The following C22orf31 variants were observed in gnomAD, a reference collection of about 807,000 sequenced individuals.
C22orf31 encodes the protein uncharacterized protein C22orf31.
C22orf31 carries 11 observed loss-of-function variants against 15.0 expected under a neutral mutation model. The ratio of observed to expected loss-of-function variants is 0.73; its 90% confidence interval spans 0.46 to 1.21. The LOEUF is 1.21. Among genes scored for constraint, C22orf31 ranks in the 50% most tolerant of loss-of-function variants. The pLI, the probability that C22orf31 is intolerant of heterozygous loss-of-function variation, is 0.00. For missense variants in C22orf31, 340 were observed against 347.2 expected (o/e 0.98, Z 0.17); for synonymous variants, 132 against 133.3 (o/e 0.99, Z 0.07).
upstream of C22orf31, among the ~76,000 whole-genome samples, chr22:29,062,800 G>A (rs16987014): frequency 0.056 from 8,527 of 152,170 alleles, 275 homozygotes; most frequent in East Asian, 0.11. Context: ...ACAGTTGAGA[G>A]GACAATTGCT....
intron 2 of C22orf31, among the ~76,000 whole-genome samples, chr22:29,059,406 G>C (rs954387792): frequency 6.6e-6 from 1 of 152,174 alleles, no homozygotes; most frequent in African/African-American, 2.4e-5. Flanking sequence ...ATTGGAATTG[G>C]TTTGCCCAAG....
At chr22:29,060,230 C>G (rs2037373701) in intron 2 of C22orf31, among the ~76,000 whole-genome samples, 185 bp downstream of exon 2, 1 of 149,608 alleles carries the variant, frequency 6.7e-6, no homozygotes, top group Admixed American at 6.7e-5. Flanking sequence ...TGAGGTCTCC[C>G]TATGTTGCCC....
At chr22:29,068,699 C>T in the C22orf31 span, among the ~76,000 whole-genome samples, 7 of 151,420 alleles carry the variant, frequency 4.6e-5, no homozygotes, top group East Asian at 7.8e-4. Flanking sequence ...CGTAAGCCAC[C>T]GTGCCCGGCA....
chr22:29,060,609 C>G lies in C22orf31; in HGVS notation c.238G>C (p.Val80Leu). 1.2e-6 allele frequency: 2 copies of G among 1,614,152 alleles called. No individual in the cohort carries two copies. Among genetic ancestry groups the G allele is most frequent in the Non-Finnish European group, 1.7e-6 (2 of 1,180,026 alleles). ...IASSFSLVKL[V>L]LRRQLKNKCC... Reference sequence around the variant, plus strand: ...TTATTCTTCAGTTGCCGCCTGAGTACAAGCTTAACCAGGGAGAAGGAACTG... The same window carrying G: ...TTATTCTTCAGTTGCCGCCTGAGTAGAAGCTTAACCAGGGAGAAGGAACTG... The change falls in exon 2 of 3, where the codon GTA (valine) becomes CTA (leucine). Residue 80 changes from valine to leucine, a missense_variant. By Grantham distance (32) the Val-to-Leu change is conservative. Transcript: ENST00000216071.
upstream of C22orf31, among the ~76,000 whole-genome samples, chr22:29,065,441 C>A (rs1445952010): frequency 6.6e-6 from 1 of 151,522 alleles, no homozygotes; most frequent in Non-Finnish European, 1.5e-5. Flanking sequence ...AAAAAAAAAT[C>A]TAGTGTATGA....
chr22:29,067,840 G>T, the C22orf31 span, among the ~76,000 whole-genome samples: 2 of 152,154 alleles, frequency 1.3e-5, no homozygotes, highest in Middle Eastern at 3.4e-3. Context: ...CAAAATACTG[G>T]GTTCAAGAGA....
the C22orf31 span, among the ~76,000 whole-genome samples, chr22:29,071,645 C>A: frequency 1.3e-5 from 2 of 152,156 alleles, no homozygotes; most frequent in African/African-American, 4.8e-5. Flanking sequence ...CCCCGCCGGG[C>A]GTCACCGCTG....
chr22:29,064,557 A>C (rs2037415990), upstream of C22orf31, among the ~76,000 whole-genome samples: 1 of 152,068 alleles, frequency 6.6e-6, no homozygotes, highest in African/African-American at 2.4e-5. Flanking sequence ...TCTGTCACCC[A>C]GGCTGGAGTG....
chr22:29,068,700 G>A, the C22orf31 span, among the ~76,000 whole-genome samples: 10 of 147,668 alleles, frequency 6.8e-5, no homozygotes, highest in Admixed American at 2.0e-4. Context: ...GTAAGCCACC[G>A]TGCCCGGCAA....
intron 2 of C22orf31, chr22:29,059,589 G>T: frequency 3.5e-6 from 2 of 575,236 alleles, no homozygotes; most frequent in Non-Finnish European, 4.4e-6. Flanking sequence ...ATAATATCAA[G>T]GCACAAAGAA....
upstream of C22orf31, among the ~76,000 whole-genome samples, chr22:29,065,782 A>T (rs561618022): frequency 1.3e-5 from 2 of 152,370 alleles, no homozygotes; most frequent in Admixed American, 1.3e-4. Context: ...AGTTTCCATC[A>T]TGGGTGCCAG....
upstream of C22orf31, among the ~76,000 whole-genome samples, chr22:29,063,649 T>C (rs974100091): frequency 3.3e-5 from 5 of 152,358 alleles, no homozygotes; most frequent in Admixed American, 3.3e-4. Context: ...CTATTTCTCC[T>C]ATGTCAATAA....
At chr22:29,060,333 T>C (rs2037375851) in intron 2 of C22orf31, 82 bp downstream of exon 2, 2 of 1,295,070 alleles carry the variant, frequency 1.5e-6, no homozygotes, top group African/African-American at 3.0e-5. Context: ...CGCCATATAA[T>C]CTCAACCGTT....
At chr22:29,068,162 A>C in the C22orf31 span, among the ~76,000 whole-genome samples, 1 of 150,232 alleles carries the variant, frequency 6.7e-6, no homozygotes, top group African/African-American at 2.5e-5. Context: ...GCTCACTACA[A>C]CTTCTGTCTC....
At chr22:29,060,286 G>A in intron 2 of C22orf31, 129 bp downstream of exon 2, 1 of 858,992 alleles carries the variant, frequency 1.2e-6, no homozygotes, top group African/African-American at 1.7e-5. Context: ...TCCCTGCTTG[G>A]CCTCCCAAAG....
chr22:29,062,987 G>A (rs975823685), upstream of C22orf31, among the ~76,000 whole-genome samples: 1 of 152,022 alleles, frequency 6.6e-6, no homozygotes, highest in Non-Finnish European at 1.5e-5. Context: ...TGGGCTACCT[G>A]GAAATTACCA....
chr22:29,073,048 G>C, the C22orf31 span: 2 of 251,770 alleles, frequency 7.9e-6, no homozygotes, highest in Non-Finnish European at 1.2e-5. This position sits in a 1 kb window ranked among gnomAD's most constrained non-coding sequence, Gnocchi z 4.4. Flanking sequence ...CGGGCCCCGC[G>C]TCCTGCTCCC....
At chr22:29,059,673 G>T (rs1312262579) in intron 2 of C22orf31, 1 of 983,668 alleles carries the variant, frequency 1.0e-6, no homozygotes, top group African/African-American at 1.8e-5. Context: ...GCCACCACGG[G>T]GTAACATACC....
chr22:29,060,574 T>C lies in C22orf31; in HGVS notation c.273A>G (p.Pro91=). The stretch of plus-strand genomic sequence containing the variant: ...TTCCTTCTCCAAACTTGCATGGTGG[T>C]GGGCAGCACTTATTCTTCAGTTGCC... ...LRRQLKNKCC[P]PPCKFGEGKL... Residue 91 remains proline, a synonymous_variant, in exon 2 of 3, where the codon CCA becomes CCG. Coordinates refer to ENST00000216071, the MANE Select transcript of C22orf31 (RefSeq NM_015370.2). 6.2e-7 allele frequency: 1 copy of C among 1,614,142 alleles called. No individual in the cohort carries two copies. The highest frequency in any genetic ancestry group is 8.5e-7 in the Non-Finnish European group (1 of 1,180,018).
Sources: gnomAD v4.1 joint callset for allele counts (sites outside exome capture counted in the v4.1 genomes callset) on GRCh38, gnomAD v4.1.1 for gene constraint, Gnocchi (gnomAD v3.1) non-coding constraint, MANE v1.5 for transcripts, NCBI Gene and HGNC (gene_info 2026-07-23, HGNC 2026-07-21) for gene names.